AADAT: variants seen among roughly 807,000 people sequenced by gnomAD.
AADAT encodes the protein aminoadipate aminotransferase.
In AADAT, 25 loss-of-function variants were observed where a neutral mutation model predicts 56.2. That is an observed-to-expected ratio of 0.44 (90% CI 0.32 to 0.62). The LOEUF (loss-of-function observed/expected upper bound fraction) is 0.62, where lower values mean the gene tolerates loss of function less well. AADAT is among the 20% of genes least tolerant of loss of function. AADAT has a pLI of 0.04. For missense variants in AADAT, 387 were observed against 510.5 expected (o/e 0.76, Z 2.33); for synonymous variants, 173 against 164.7 (o/e 1.05, Z -0.39).
intron 10 of AADAT, 73 bp from the exon 11 acceptor site, chr4:170,064,898 A>T (rs1731370670): frequency 7.6e-7 from 1 of 1,316,626 alleles, no homozygotes; most frequent in Non-Finnish European, 1.1e-6. Context: ...GTGTTGTTAA[A>T]TGGCATAAGT....
chr4:170,092,776 C>T (rs191602655), upstream of AADAT, among the ~76,000 whole-genome samples: 35 of 152,338 alleles, frequency 2.3e-4, no homozygotes, highest in East Asian at 6.0e-3. Context: ...CTAATCAGTG[C>T]AGTGGTCTGC....
chr4:170,092,179 A>G (rs968551655), upstream of AADAT, among the ~76,000 whole-genome samples: 4 of 152,232 alleles, frequency 2.6e-5, no homozygotes, highest in Non-Finnish European at 5.9e-5. Flanking sequence ...ACCCGCTTGG[A>G]TACTTTTGCA....
At chr4:170,090,452 T>G (rs1732780045), upstream of AADAT, 1 of 152,206 alleles carries the variant, frequency 6.6e-6, no homozygotes. Context: ...GGCACTCTCC[T>G]GGGAAGCATC....
intron 5 of AADAT, among the ~76,000 whole-genome samples, chr4:170,071,635 T>C (rs920325349): frequency 1.3e-5 from 2 of 152,192 alleles, no homozygotes; most frequent in Non-Finnish European, 2.9e-5. Flanking sequence ...CTGACATTTC[T>C]GCAGGGACAG....
At chr4:170,073,556 G>A (rs1276800328) in intron 4 of AADAT, among the ~76,000 whole-genome samples, 2 of 151,352 alleles carry the variant, frequency 1.3e-5, no homozygotes, top group Non-Finnish European at 2.9e-5. Context: ...CCAGGCTGGA[G>A]TGCAATGGCG....
At chr4:170,073,945 T>C (rs1190988932) in intron 4 of AADAT, among the ~76,000 whole-genome samples, 1 of 152,316 alleles carries the variant, frequency 6.6e-6, no homozygotes, top group Admixed American at 6.5e-5. Flanking sequence ...TTCCTTCCAG[T>C]AAGAAGCTTT....
intron 5 of AADAT, among the ~76,000 whole-genome samples, chr4:170,072,398 G>C (rs539727195): frequency 4.3e-4 from 65 of 152,184 alleles, no homozygotes; most frequent in African/African-American, 1.6e-3. Context: ...GCCTTCCAAA[G>C]TGCTGGGATT....
chr4:170,062,191 A>C (rs1731225735), intron 11 of AADAT, among the ~76,000 whole-genome samples, 198 bp from the exon 12 acceptor site: 1 of 152,228 alleles, frequency 6.6e-6, no homozygotes, highest in South Asian at 2.1e-4. Flanking sequence ...AAACTGAAAA[A>C]ATGTTCAGAA....
chr4:170,065,941 A>T (rs1318686641), intron 10 of AADAT, among the ~76,000 whole-genome samples: 1 of 152,196 alleles, frequency 6.6e-6, no homozygotes, highest in African/African-American at 2.4e-5. Flanking sequence ...GACCTTCATA[A>T]TAAAAAAAGA....
chr4:170,085,677 A>G (rs1314710689), intron 3 of AADAT, among the ~76,000 whole-genome samples: 1 of 151,736 alleles, frequency 6.6e-6, no homozygotes, highest in Non-Finnish European at 1.5e-5. Context: ...AAATACTCTT[A>G]TATCATTCTA....
chr4:170,088,196 G>C (rs1399093845), intron 2 of AADAT, among the ~76,000 whole-genome samples, 200 bp downstream of exon 2: 1 of 151,776 alleles, frequency 6.6e-6, no homozygotes, highest in East Asian at 2.0e-4. Context: ...CCTTTCCCCA[G>C]ACCTTCCTAA....
rs560033686 is a variant in AADAT at position 170,067,866 on chromosome 4, G to A, written c.901-478C>T. Among the ~76,000 whole-genome samples the A allele has an allele frequency of 1.5e-4, 23 of 152,184 alleles. No homozygotes were observed. In the East Asian group the frequency reaches 4.4e-3, roughly 29 times the overall value. ...AAAATAGAAGTTCTAGGCTGGGTGC[G>A]ATGGCTCATGCCTGTAATCCCAGCA... On this transcript the variant is annotated intron_variant, in intron 8 of 12. Transcript: ENST00000337664.
intron 10 of AADAT, 108 bp downstream of exon 10, chr4:170,066,306 T>G: frequency 1.0e-6 from 1 of 985,624 alleles, no homozygotes; most frequent in Non-Finnish European, 1.6e-6. Flanking sequence ...GCAAGAATAC[T>G]CCTGGACTGT....
chr4:170,063,256 A>G (rs777369066), intron 11 of AADAT, among the ~76,000 whole-genome samples: 5 of 152,242 alleles, frequency 3.3e-5, no homozygotes, highest in Non-Finnish European at 5.9e-5. Context: ...TCTCTTCACA[A>G]GATAACCAAC....
At chr4:170,074,294 C>T (rs12511967) in intron 4 of AADAT, among the ~76,000 whole-genome samples, 21,782 of 151,914 alleles carry the variant, frequency 0.14, 1,851 homozygotes, top group East Asian at 0.28. Context: ...GGTACAATTG[C>T]TCCTGTCACC....
At chr4:170,076,941 C>T (rs182396710) in intron 4 of AADAT, among the ~76,000 whole-genome samples, 30 of 152,246 alleles carry the variant, frequency 2.0e-4, no homozygotes, top group Admixed American at 7.8e-4. Context: ...ATCCAGTTGT[C>T]CCAGCACCAC....
chr4:170,064,740 TTCAA>T lies in AADAT; in HGVS notation c.1109_1112del (p.Ile370LysfsTer10). On this transcript the variant is annotated frameshift_variant, in exon 11 of 13. Coordinates refer to ENST00000337664, the MANE Select transcript of AADAT (RefSeq NM_016228.4). LOFTEE classifies it high-confidence loss of function. ...TTACCCCCATCTTAACGGCCTTTTC[TTCAA>T]TCAGTTCTTTTACATCATTAATGCC... The T allele has an allele frequency of 6.2e-7, 1 of 1,608,770 alleles. No individual in the cohort carries two copies. Among genetic ancestry groups the T allele is most frequent in the Non-Finnish European group, 8.5e-7 (1 of 1,178,956 alleles).
intron 4 of AADAT, among the ~76,000 whole-genome samples, chr4:170,077,076 C>T (rs1371826374): frequency 1.3e-5 from 2 of 152,108 alleles, no homozygotes; most frequent in Non-Finnish European, 2.9e-5. Flanking sequence ...TGTCTTTATG[C>T]CAGTACCACA....
At chr4:170,079,125 A>C (rs1434395203) in intron 3 of AADAT, among the ~76,000 whole-genome samples, 1 of 152,176 alleles carries the variant, frequency 6.6e-6, no homozygotes, top group African/African-American at 2.4e-5. Context: ...CAAATTAAAA[A>C]CGGTGGTGAG....
Sources: allele counts gnomAD v4.1 joint callset (sites outside exome capture counted in the v4.1 genomes callset), GRCh38; gene constraint gnomAD v4.1.1; transcripts MANE v1.5; gene names NCBI Gene and HGNC (gene_info 2026-07-23, HGNC 2026-07-21).